SHANK2: variants seen among roughly 807,000 people sequenced by gnomAD.
SHANK2 encodes the protein SH3 and multiple ankyrin repeat domains 2, also known as SH3 and multiple ankyrin repeat domains protein 2.
Under a neutral mutation model 133.7 loss-of-function variants are expected in SHANK2, and 43 were observed. That is an observed-to-expected ratio of 0.32 (90% confidence interval 0.25 to 0.41). The LOEUF (loss-of-function observed/expected upper bound fraction) is 0.41. Ranked by LOEUF, SHANK2 falls within the 10% of genes least tolerant of loss-of-function variation. The probability of loss-of-function intolerance (pLI) is 1.00; values close to 1 mark genes in which losing one functional copy is unlikely to be tolerated. For synonymous variants in SHANK2, 1,017 were observed against 952.8 expected (o/e 1.07, Z -1.24); for missense variants, 1,994 against 2,235.8 (o/e 0.89, Z 2.18).
chr11:71,124,554 T>C (rs1292978722), intron 3 of SHANK2, among the ~76,000 whole-genome samples: 5 of 151,998 alleles, frequency 3.3e-5, no homozygotes, highest in Admixed American at 6.6e-5. Flanking sequence ...ACTGTTTATA[T>C]AATAATATTA....
rs538336639 is a variant in SHANK2, at chr11:71,113,431, A to C, written c.412-67T>G. 1.5e-5 allele frequency: 22 copies of C among 1,439,838 alleles called. No homozygotes were observed. In the South Asian group the frequency reaches 2.4e-4, roughly 16 times the overall value. The allele number at this position is 1,439,838 out of a possible 1,614,324, so 89.2% of individuals were successfully genotyped here. On this transcript the variant is annotated intron_variant, in intron 4 of 25. Coordinates refer to ENST00000601538, the MANE Select transcript of SHANK2 (RefSeq NM_012309.5). ...CTTCTCAGAGTTGTTCAGAGGGAAA[A>C]CGGGCCTTTTCCTTGGCTATGTCAC...
At chr11:70,945,039 A>G (rs1555085113) in intron 10 of SHANK2, among the ~76,000 whole-genome samples, 1 of 152,164 alleles carries the variant, frequency 6.6e-6, no homozygotes, top group Non-Finnish European at 1.5e-5. Flanking sequence ...CGGACTATTT[A>G]GTTCTGCTTG....
chr11:70,619,210 G>A (rs1256175634), intron 17 of SHANK2, among the ~76,000 whole-genome samples: 1 of 152,172 alleles, frequency 6.6e-6, no homozygotes, highest in African/African-American at 2.4e-5. Flanking sequence ...AAATTTAGTG[G>A]CTTAAAACAA....
chr11:70,907,129 C>T (rs1460451444), intron 10 of SHANK2, among the ~76,000 whole-genome samples: 1 of 152,236 alleles, frequency 6.6e-6, no homozygotes. Context: ...CCAGAGGAAG[C>T]AGCTGGGGAC....
At chr11:70,519,283 G>T (rs1055346269) in intron 17 of SHANK2, among the ~76,000 whole-genome samples, 39 of 152,318 alleles carry the variant, frequency 2.6e-4, no homozygotes, top group African/African-American at 9.4e-4. Context: ...AGAAGGCCCA[G>T]ATACGGGCCG....
chr11:70,569,255 G>T lies in SHANK2; in HGVS notation c.2062-66324C>A, dbSNP rs1208973995. 6.6e-6 allele frequency among the ~76,000 whole-genome samples: 1 copy of T among 152,222 alleles called. No individual in the cohort carries two copies. Among genetic ancestry groups the T allele is most frequent in the Non-Finnish European group, 1.5e-5 (1 of 68,034 alleles). On this transcript the variant is annotated intron_variant, in intron 17 of 25. Transcript: ENST00000601538. This position sits in a 1 kb window ranked among gnomAD's most constrained non-coding sequence, Gnocchi z 5.1. ...CGAGCCTAAGTGTGTAGTGACCCCA[G>T]GGGAGGCTGGTGGCTAAGCCATGCC...
chr11:70,599,816 A>AGAAG (rs139806999), intron 17 of SHANK2, among the ~76,000 whole-genome samples: 13,850 of 136,596 alleles, frequency 0.1, 1,446 homozygotes, highest in Middle Eastern at 0.2. Flanking sequence ...AAGAAGAGGG[A>AGAAG]GAAGGAAGGA....
At chr11:70,727,804 C>T (rs1207968776) in intron 14 of SHANK2, among the ~76,000 whole-genome samples, 1 of 152,244 alleles carries the variant, frequency 6.6e-6, no homozygotes, top group Non-Finnish European at 1.5e-5. Flanking sequence ...GTCAGCAACA[C>T]AGCCTCTGTT....
intron 13 of SHANK2, among the ~76,000 whole-genome samples, chr11:70,799,657 A>G (rs1555050072): frequency 1.3e-5 from 2 of 152,050 alleles, no homozygotes. Context: ...AAAGAAGCCA[A>G]TTCCCCAGGA....
At chr11:70,933,095 C>T (rs925805973) in intron 10 of SHANK2, 2 of 456,222 alleles carry the variant, frequency 4.4e-6, no homozygotes, top group Admixed American at 2.4e-5. Context: ...TCACACTAGC[C>T]AGAAGGCGGG....
At chr11:71,207,985 TG>T (rs1954163364) in intron 2 of SHANK2, among the ~76,000 whole-genome samples, 1 of 150,082 alleles carries the variant, frequency 6.7e-6, no homozygotes, top group African/African-American at 2.4e-5. Context: ...GAAAGATTGG[TG>T]TCCGAGAGGT....
intron 3 of SHANK2, among the ~76,000 whole-genome samples, chr11:71,120,865 C>T (rs1486970409): frequency 6.6e-6 from 1 of 152,232 alleles, no homozygotes; most frequent in South Asian, 2.1e-4. Context: ...ATGGCTCCCT[C>T]CCTGACACCT....
At chr11:70,774,647 T>C (rs1381956572) in intron 14 of SHANK2, among the ~76,000 whole-genome samples, 1 of 152,106 alleles carries the variant, frequency 6.6e-6, no homozygotes, top group African/African-American at 2.4e-5. Context: ...AAAATTTCTT[T>C]TGGGGTGATG....
At chr11:70,492,293 C>G in intron 22 of SHANK2, 42 bp downstream of exon 22, 1 of 1,602,938 alleles carries the variant, frequency 6.2e-7, no homozygotes, top group Non-Finnish European at 8.5e-7. Flanking sequence ...TCCTGGGCAC[C>G]GTCGGCCCCC....
chr11:70,475,186 A>T (rs1485312319), intron 25 of SHANK2: 2 of 152,112 alleles, frequency 1.3e-5, no homozygotes, highest in African/African-American at 4.8e-5. Context: ...GAGCCCACAG[A>T]CCCTTCATAG....
chr11:70,843,598 A>C (rs112147440), intron 11 of SHANK2, among the ~76,000 whole-genome samples: 1 of 151,908 alleles, frequency 6.6e-6, no homozygotes, highest in East Asian at 2.0e-4. Flanking sequence ...CGACCCTGTG[A>C]GGTCACAAGG....
In SHANK2 at chr11:70,472,619, T is replaced by G; in HGVS notation, c.*250A>C. On this transcript the variant is annotated 3_prime_UTR_variant, in exon 26 of 26. Coordinates refer to ENST00000601538, the MANE Select transcript of SHANK2 (RefSeq NM_012309.5). This position sits in a 1 kb window ranked among gnomAD's most constrained non-coding sequence, Gnocchi z 4.4. ...CTGGGCGGCAGGCTGAGAATCTTTTTCCATGTTAGAAAAACTCCCTCCCCT... is the reference window on the plus strand; with the variant it reads ...CTGGGCGGCAGGCTGAGAATCTTTTGCCATGTTAGAAAAACTCCCTCCCCT... 1.8e-6 allele frequency: 1 copy of G among 550,124 alleles called. No homozygotes were observed. The highest frequency in any genetic ancestry group is 3.3e-6 in the Non-Finnish European group (1 of 305,254). The allele number at this position is 550,124 out of a possible 1,614,324, so 34.1% of individuals were successfully genotyped here. A position where few individuals can be genotyped will look rare whatever the true frequency, so the allele number is the denominator to read the frequency against.
rs1219433916 is a variant in SHANK2, at chr11:70,856,522, T to TGGATGGGA, written c.1175-35848_1175-35841dup. ...ATGAGTGGATGGATGGATGGATGGA[T>TGGATGGGA]GGATGGGAGGATGGGAGGTTGGGTG... On this transcript the variant is annotated intron_variant, in intron 11 of 25. Transcript: ENST00000601538. Among the ~76,000 whole-genome samples, 273 of 152,088 alleles carry TGGATGGGA rather than the reference T, an allele frequency of 1.8e-3. 1 individual carries two copies. Among genetic ancestry groups the TGGATGGGA allele is most frequent in the South Asian group, 9.0e-3 (43 of 4,798 alleles).
intron 17 of SHANK2, chr11:70,631,684 T>C (rs2060993384): frequency 6.6e-6 from 1 of 152,396 alleles, no homozygotes; most frequent in Non-Finnish European, 1.5e-5. Context: ...GCTTCCTGCA[T>C]GACAAGCTGG....
Sources: allele counts gnomAD v4.1 joint callset (sites outside exome capture counted in the v4.1 genomes callset), GRCh38; gene constraint gnomAD v4.1.1; non-coding constraint Gnocchi (gnomAD v3.1); transcripts MANE v1.5; gene names NCBI Gene and HGNC (gene_info 2026-07-23, HGNC 2026-07-21).